Variants in ANTXR2 observed in about 807,000 individuals in gnomAD.
ANTXR2 encodes anthrax toxin receptor 2.
In ANTXR2, 44 loss-of-function variants were observed where a neutral mutation model predicts 73.7. That is an observed-to-expected ratio of 0.60 (90% CI 0.47 to 0.77). The LOEUF (loss-of-function observed/expected upper bound fraction) is 0.77. Among genes scored for constraint, ANTXR2 ranks in the 30% least tolerant of loss-of-function variants. The pLI is 0.00. For synonymous variants in ANTXR2, 217 were observed against 205.9 expected (o/e 1.05, Z -0.46); for missense variants, 604 against 592.5 (o/e 1.02, Z -0.20).
chr4:80,028,281 A>C (rs1180097603), intron 10 of ANTXR2, among the ~76,000 whole-genome samples: 2 of 152,122 alleles, frequency 1.3e-5, no homozygotes, highest in African/African-American at 4.8e-5. Context: ...TGCCCAGATA[A>C]CTTTAACTTT....
At chr4:79,959,335 A>C (rs1729057420) in intron 16 of ANTXR2, among the ~76,000 whole-genome samples, 1 of 152,108 alleles carries the variant, frequency 6.6e-6, no homozygotes, top group African/African-American at 2.4e-5. Flanking sequence ...TCAGTAGCTT[A>C]ATTTATAAGT....
Position 80,072,822 on chromosome 4 carries a change from T to TC in ANTXR2, c.-263dup, listed in dbSNP as rs1734882420. ...TCCCAGTGGAAGCGCGATCCAGTCC[T>TC]CCCCCTCCCGATTCCGGAGAGTTCC... On this transcript the variant is annotated 5_prime_UTR_variant, in exon 1 of 17. Transcript: ENST00000403729. The TC allele has an allele frequency of 1.3e-6, 1 of 799,330 alleles. No homozygotes were observed. Among genetic ancestry groups the TC allele is most frequent in the Non-Finnish European group, 1.7e-6 (1 of 591,720 alleles). The allele number at this position is 799,330 out of a possible 1,614,324, so 49.5% of individuals were successfully genotyped here.
At chr4:79,988,197 A>G (rs4405963) in intron 12 of ANTXR2, among the ~76,000 whole-genome samples, 81,014 of 139,962 alleles carry the variant, frequency 0.58, 25,698 homozygotes, top group East Asian at 0.92. Context: ...CCAACTATAC[A>G]CTATATTCAA....
chr4:80,067,067 G>A (rs757054557), intron 3 of ANTXR2, among the ~76,000 whole-genome samples: 13 of 152,120 alleles, frequency 8.5e-5, no homozygotes, highest in Non-Finnish European at 1.5e-4. Flanking sequence ...TTAGCCGGGC[G>A]TGGTGGTGGG....
intron 14 of ANTXR2, 119 bp from the exon 15 acceptor site, chr4:79,978,293 T>A (rs781735535): frequency 6.6e-5 from 58 of 873,808 alleles, no homozygotes; most frequent in Admixed American, 1.1e-4. Flanking sequence ...TGAGCAGGTA[T>A]CCTAATTCCT....
At chr4:79,967,071 G>T (rs374736619) in intron 16 of ANTXR2, among the ~76,000 whole-genome samples, 1 of 71,804 alleles carries the variant, frequency 1.4e-5, no homozygotes, top group Non-Finnish European at 3.4e-5. Flanking sequence ...CGCACCGTGC[G>T]CGAGCCGAAG....
At chr4:80,016,728 T>G (rs1401428043) in intron 11 of ANTXR2, among the ~76,000 whole-genome samples, 1 of 152,256 alleles carries the variant, frequency 6.6e-6, no homozygotes, top group Non-Finnish European at 1.5e-5. Context: ...TTCATCCTTC[T>G]ATTTGGCAAA....
chr4:80,069,603 TC>T, intron 2 of ANTXR2, 96 bp from the exon 3 acceptor site: 1 of 937,318 alleles, frequency 1.1e-6, no homozygotes, highest in Non-Finnish European at 1.6e-6. Context: ...AAAATTGGTC[TC>T]ACTGAATGGT....
intron 8 of ANTXR2, among the ~76,000 whole-genome samples, chr4:80,034,504 A>G (rs1304029917): frequency 6.6e-6 from 1 of 152,120 alleles, no homozygotes; most frequent in Non-Finnish European, 1.5e-5. Flanking sequence ...AAGTAAACCA[A>G]AGAAAGTATT....
At chr4:80,033,792 C>T (rs1325302220) in intron 8 of ANTXR2, among the ~76,000 whole-genome samples, 3 of 151,944 alleles carry the variant, frequency 2.0e-5, no homozygotes, top group African/African-American at 7.2e-5. Context: ...CATGGGGATG[C>T]ATTATTTTAT....
intron 3 of ANTXR2, among the ~76,000 whole-genome samples, chr4:80,067,056 A>T (rs1009713442): frequency 6.6e-6 from 1 of 152,124 alleles, no homozygotes. Flanking sequence ...AATACAAAAA[A>T]TTAGCCGGGC....
intron 8 of ANTXR2, 37 bp downstream of exon 8, chr4:80,035,935 A>G: frequency 2.7e-6 from 4 of 1,485,048 alleles, no homozygotes; most frequent in Non-Finnish European, 3.6e-6. Flanking sequence ...AAAAAATACA[A>G]TTTCTTACAT....
At chr4:79,917,497 G>A (rs1727401080) in intron 16 of ANTXR2, among the ~76,000 whole-genome samples, 1 of 152,120 alleles carries the variant, frequency 6.6e-6, no homozygotes, top group Non-Finnish European at 1.5e-5. Flanking sequence ...GGTCTCCCAA[G>A]GTACAGAAAG....
Position 80,048,866 on chromosome 4 carries a change from G to A in ANTXR2, c.636+5406C>T, listed in dbSNP as rs79405785. 4.9e-3 allele frequency among the ~76,000 whole-genome samples: 743 copies of A among 151,798 alleles called. 7 individuals are homozygous for A. The highest frequency in any genetic ancestry group is 0.017 in the African/African-American group (709 of 41,484). On this transcript the variant is annotated intron_variant, in intron 7 of 16. Transcript: ENST00000403729. ...ATGAAGCTTATATCTCCAGCACTAT[G>A]AATGTAGGTACTTTTTGAAATTTCA...
intron 16 of ANTXR2, among the ~76,000 whole-genome samples, chr4:79,948,582 C>A (rs965769465): frequency 3.9e-5 from 6 of 152,102 alleles, no homozygotes; most frequent in Non-Finnish European, 7.4e-5. Context: ...TAAGTCTCAA[C>A]CTTCAATCTC....
At chr4:80,068,009 A>G (rs1181532982) in intron 3 of ANTXR2, among the ~76,000 whole-genome samples, 1 of 152,220 alleles carries the variant, frequency 6.6e-6, no homozygotes, top group African/African-American at 2.4e-5. Flanking sequence ...ATTTAAAAAG[A>G]AGAAAGAAAG....
At chr4:80,024,360 T>A (rs1257555511) in intron 10 of ANTXR2, among the ~76,000 whole-genome samples, 1 of 152,172 alleles carries the variant, frequency 6.6e-6, no homozygotes, top group Admixed American at 6.5e-5. Context: ...GACAGCAGAC[T>A]TAAAGCTAGT....
chr4:80,071,618 A>G lies in ANTXR2; in HGVS notation c.189T>C (p.Tyr63=). The change falls in exon 2 of 17, where the codon TAT becomes TAC. Residue 63 remains tyrosine, a synonymous_variant. Coordinates refer to ENST00000403729, the MANE Select transcript of ANTXR2 (RefSeq NM_058172.6). ...GSVANNWIEI[Y]NFVQQLAERF... ...TCTCCGCAAGTTGCTGTACGAAATT[A>G]TAAATTTCAATCCAGTTATTTGCCA... 6.2e-7 allele frequency: 1 copy of G among 1,613,482 alleles called. No individual in the cohort carries two copies. The highest frequency in any genetic ancestry group is 8.5e-7 in the Non-Finnish European group (1 of 1,179,452).
rs151172918 is a variant in ANTXR2 at position 80,007,204 on chromosome 4, A to T, written c.1041+1317T>A. Among the ~76,000 whole-genome samples the T allele has an allele frequency of 4.6e-3, 696 of 152,304 alleles. 10 individuals are homozygous for T. Among genetic ancestry groups the T allele is most frequent in the African/African-American group, 0.016 (661 of 41,566 alleles). The stretch of plus-strand genomic sequence containing the variant: ...AATAAACGCAGGGCTAAAACAAAGC[A>T]CATCTGAAATTGCAAGGATGATGAA... On this transcript the variant is annotated intron_variant, in intron 12 of 16. Coordinates refer to ENST00000403729, the MANE Select transcript of ANTXR2 (RefSeq NM_058172.6).
Sources: gnomAD v4.1 joint callset for allele counts (sites outside exome capture counted in the v4.1 genomes callset) on GRCh38, gnomAD v4.1.1 for gene constraint, MANE v1.5 for transcripts, NCBI Gene and HGNC (gene_info 2026-07-23, HGNC 2026-07-21) for gene names.